The following HECA variants were observed in gnomAD, a reference collection of about 807,000 sequenced individuals.
The protein encoded by HECA is HECA ribonucleoprotein granule regulator, also known as headcase protein homolog.
A neutral mutation model predicts 37.6 loss-of-function variants in HECA; 13 were observed. The observed-to-expected ratio is 0.35, with a 90% CI of 0.23 to 0.55. The LOEUF (loss-of-function observed/expected upper bound fraction) is 0.55. Ranked by LOEUF, HECA falls within the 20% of genes least tolerant of loss-of-function variation. The pLI is 0.90. For synonymous variants in HECA, 307 were observed against 291.5 expected (o/e 1.05, Z -0.54); for missense variants, 527 against 701.9 (o/e 0.75, Z 2.82).
chr6:139,156,374 TG>T (rs1305262114), intron 1 of HECA, among the ~76,000 whole-genome samples: 1 of 151,916 alleles, frequency 6.6e-6, no homozygotes, highest in Non-Finnish European at 1.5e-5. Flanking sequence ...GGCTAATTTT[TG>T]TATTTTCTTT....
In HECA at chr6:139,167,932, G is replaced by A. The variant is rs886126242; in HGVS notation, c.1312+608G>A. On this transcript the variant is annotated intron_variant, in intron 2 of 3. Coordinates refer to ENST00000367658, the MANE Select transcript of HECA (RefSeq NM_016217.3). Reference sequence around the variant, plus strand: ...ATTTCAGCCATAAATTGAATGACACGAGGTTGGTTAGTATAAGAAATCTGT... The same window carrying A: ...ATTTCAGCCATAAATTGAATGACACAAGGTTGGTTAGTATAAGAAATCTGT... Among the ~76,000 whole-genome samples, 5 of 152,154 alleles carry A rather than the reference G, an allele frequency of 3.3e-5. No homozygotes were observed. The South Asian group carries it at 8.3e-4, about 25-fold the overall frequency.
intron 1 of HECA, among the ~76,000 whole-genome samples, chr6:139,156,950 A>T (rs906364609): frequency 6.6e-6 from 1 of 152,256 alleles, no homozygotes; most frequent in Non-Finnish European, 1.5e-5. Context: ...GATCTCGCAC[A>T]AGAAAGAATT....
At chr6:139,148,468 A>C (rs1351635923) in intron 1 of HECA, among the ~76,000 whole-genome samples, 1 of 152,180 alleles carries the variant, frequency 6.6e-6, no homozygotes, top group Non-Finnish European at 1.5e-5. Context: ...TGTTTCTCAG[A>C]ATTGGTTGCA....
intron 1 of HECA, chr6:139,151,401 G>A (rs1484159441): frequency 6.6e-6 from 1 of 152,180 alleles, no homozygotes; most frequent in East Asian, 1.9e-4. Context: ...AAATCATCTT[G>A]GGAGTTGGTG....
chr6:139,174,261 T>G, intron 2 of HECA, 124 bp from the exon 3 acceptor site: 1 of 1,154,692 alleles, frequency 8.7e-7, no homozygotes, highest in Non-Finnish European at 1.2e-6. Context: ...TGATTTTTCT[T>G]TTTATATTTA....
chr6:139,153,569 C>T (rs980858974), intron 1 of HECA, among the ~76,000 whole-genome samples: 40 of 151,812 alleles, frequency 2.6e-4, no homozygotes, highest in African/African-American at 8.2e-4. Flanking sequence ...ATTACAGGCA[C>T]GTGCCACCAT....
chr6:139,176,915 T>G lies in HECA; in HGVS notation c.1468-26T>G, dbSNP rs758233137. 1 of 856,780 alleles carries G rather than the reference T, an allele frequency of 1.2e-6. No homozygotes were observed. Among genetic ancestry groups the G allele is most frequent in the Admixed American group, 1.7e-5 (1 of 58,678 alleles). The allele number at this position is 856,780 out of a possible 1,614,324, so 53.1% of individuals were successfully genotyped here. On this transcript the variant is annotated intron_variant, in intron 3 of 3. Coordinates refer to ENST00000367658, the MANE Select transcript of HECA (RefSeq NM_016217.3). This position sits in a 1 kb window ranked among gnomAD's most constrained non-coding sequence, Gnocchi z 4.5. ...AGTGTTGGGAAGTGGAGGGGTGTTG[T>G]GGCTGATGGTGTCTGTTTCCCCCAG...
chr6:139,162,062 T>C (rs1467211057), intron 1 of HECA, among the ~76,000 whole-genome samples: 2 of 152,142 alleles, frequency 1.3e-5, no homozygotes, highest in African/African-American at 2.4e-5. Flanking sequence ...AATGCGACTT[T>C]TTTCAGCACT....
intron 1 of HECA, among the ~76,000 whole-genome samples, chr6:139,137,245 T>C (rs894873684): frequency 6.6e-6 from 1 of 152,122 alleles, no homozygotes; most frequent in African/African-American, 2.4e-5. Flanking sequence ...GACTCCTAGC[T>C]CAGCCATTTA....
At chr6:139,170,446 A>T (rs1310517174) in intron 2 of HECA, 1 of 152,206 alleles carries the variant, frequency 6.6e-6, no homozygotes, top group African/African-American at 2.4e-5. Flanking sequence ...AGAGGAAGGG[A>T]CCACTTTGGC....
At chr6:139,164,078 A>ACTCT (rs1334773429) in intron 1 of HECA, among the ~76,000 whole-genome samples, 71 of 78,646 alleles carry the variant, frequency 9.0e-4, no homozygotes, top group African/African-American at 1.5e-3. Context: ...ACACACACAC[A>ACTCT]CACTCTCTCT....
At chr6:139,171,153 T>C (rs1486496034) in intron 2 of HECA, among the ~76,000 whole-genome samples, 1 of 152,046 alleles carries the variant, frequency 6.6e-6, no homozygotes, top group Non-Finnish European at 1.5e-5. Flanking sequence ...AATAAGCATT[T>C]GGGTTGAACA....
chr6:139,168,177 A>G (rs1228081478), intron 2 of HECA, among the ~76,000 whole-genome samples: 1 of 152,178 alleles, frequency 6.6e-6, no homozygotes, highest in African/African-American at 2.4e-5. Flanking sequence ...TGCTGTCTTC[A>G]TTCTCCAGCT....
At position 139,166,363 on chromosome 6, in the gene HECA, G is replaced by A. The variant is rs1562248116; in HGVS notation, c.351G>A (p.Val117=). The A allele has an allele frequency of 2.5e-6, 4 of 1,614,192 alleles. No individual in the cohort carries two copies. The highest frequency in any genetic ancestry group is 2.5e-6 in the Non-Finnish European group (3 of 1,180,016). The part of the protein sequence containing the change: ...DLEKDDYQKV[V]CNNEHCPCST... ...AGAAGGACGACTACCAGAAGGTGGT[G>A]TGCAACAACGAGCACTGCCCCTGCA... is the stretch of plus-strand genomic sequence containing the variant. Residue 117 remains valine, a synonymous_variant, in exon 2 of 4, where the codon GTG becomes GTA. Coordinates refer to ENST00000367658, the MANE Select transcript of HECA (RefSeq NM_016217.3).
At chr6:139,141,288 A>T (rs572753143) in intron 1 of HECA, among the ~76,000 whole-genome samples, 137 of 152,264 alleles carry the variant, frequency 9.0e-4, no homozygotes, top group Middle Eastern at 3.4e-3. Flanking sequence ...TTCTCACAAA[A>T]CTTTTAAAAG....
At chr6:139,163,944 C>T (rs1272886190) in intron 1 of HECA, among the ~76,000 whole-genome samples, 1 of 152,154 alleles carries the variant, frequency 6.6e-6, no homozygotes, top group African/African-American at 2.4e-5. Flanking sequence ...CTCAGTGGTA[C>T]ACAGGCACTT....
rs79939085 is a variant in HECA at position 139,168,518 on chromosome 6, T to G, written c.1312+1194T>G. Among the ~76,000 whole-genome samples the G allele has an allele frequency of 2.9e-3, 438 of 152,086 alleles. 9 individuals carry two copies. The East Asian group carries it at 0.051, about 18-fold the overall frequency. On this transcript the variant is annotated intron_variant, in intron 2 of 3. Transcript: ENST00000367658. ...GACATTTCCACATACCTGTCAGATT[T>G]TTTTTGGAAAAAAAATTTTTGCCCC...
intron 1 of HECA, among the ~76,000 whole-genome samples, chr6:139,145,417 A>G (rs1387912198): frequency 2.0e-5 from 3 of 152,258 alleles, no homozygotes; most frequent in Non-Finnish European, 2.9e-5. Context: ...CAAGAAAGAT[A>G]CTAAGAGGAA....
At chr6:139,150,205 AT>A (rs1194602158) in intron 1 of HECA, among the ~76,000 whole-genome samples, 2 of 152,194 alleles carry the variant, frequency 1.3e-5, no homozygotes, top group African/African-American at 2.4e-5. Context: ...AGGTTATAGA[AT>A]TGTGAATTTA....
Sources: gnomAD v4.1 joint callset for allele counts (sites outside exome capture counted in the v4.1 genomes callset) on GRCh38, gnomAD v4.1.1 for gene constraint, Gnocchi (gnomAD v3.1) non-coding constraint, MANE v1.5 for transcripts, NCBI Gene and HGNC (gene_info 2026-07-23, HGNC 2026-07-21) for gene names.